Variants in XKR6 observed in about 807,000 individuals in gnomAD.
XKR6 encodes XK-related protein 6.
A neutral mutation model predicts 56.7 loss-of-function variants in XKR6; 22 were observed. The observed-to-expected ratio is 0.39, with a 90% CI of 0.28 to 0.55. The LOEUF is 0.55. Among genes scored for constraint, XKR6 ranks in the 20% least tolerant of loss-of-function variants. XKR6 has a pLI of 0.66. For synonymous variants in XKR6, 524 were observed against 387.8 expected (o/e 1.35, Z -4.13); for missense variants, 852 against 889.0 (o/e 0.96, Z 0.53).
chr8:11,135,904 T>TG (rs1278283298), intron 1 of XKR6, among the ~76,000 whole-genome samples: 1 of 151,930 alleles, frequency 6.6e-6, no homozygotes, highest in Non-Finnish European at 1.5e-5. Context: ...TCTCCCAAAA[T>TG]GCAAAAACCA....
intron 1 of XKR6, among the ~76,000 whole-genome samples, chr8:10,952,945 C>T (rs1382368188): frequency 6.6e-6 from 1 of 152,096 alleles, no homozygotes; most frequent in East Asian, 1.9e-4. Context: ...GACTGTAAAC[C>T]CTGTTGTGAA....
At chr8:11,156,471 A>G (rs1368779768) in intron 1 of XKR6, among the ~76,000 whole-genome samples, 1 of 152,214 alleles carries the variant, frequency 6.6e-6, no homozygotes, top group African/African-American at 2.4e-5. Context: ...CTGAAATCAT[A>G]AGAGTTTCAA....
intron 1 of XKR6, among the ~76,000 whole-genome samples, chr8:10,932,213 G>A (rs1251869415): frequency 2.0e-5 from 3 of 152,172 alleles, no homozygotes; most frequent in Non-Finnish European, 2.9e-5. Context: ...ACTATCAAGT[G>A]CTGTCACGAA....
At chr8:11,005,361 G>GATAT (rs1050511719) in intron 1 of XKR6, among the ~76,000 whole-genome samples, 1 of 148,784 alleles carries the variant, frequency 6.7e-6, no homozygotes, top group African/African-American at 2.6e-5. Flanking sequence ...GACTGTAGTA[G>GATAT]ATATAGATAT....
chr8:10,953,038 G>C (rs1464245750), intron 1 of XKR6, among the ~76,000 whole-genome samples: 3 of 152,150 alleles, frequency 2.0e-5, no homozygotes, highest in Non-Finnish European at 4.4e-5. Flanking sequence ...ATCACCTCCA[G>C]ATGGGACCAT....
At chr8:11,022,133 G>A (rs567221367) in intron 1 of XKR6, among the ~76,000 whole-genome samples, 6 of 149,164 alleles carry the variant, frequency 4.0e-5, no homozygotes, top group African/African-American at 1.5e-4. Context: ...CACAGACAGT[G>A]CATCCTAGAT....
Position 11,045,703 on chromosome 8 carries a change from C to T in XKR6, c.765-120873G>A, listed in dbSNP as rs77564514. ...GAAAACTCCACAACACCAACCACAT[C>T]AGGTCTTTCTCCTGTTCCTATCTTT... On this transcript the variant is annotated intron_variant, in intron 1 of 2. Transcript: ENST00000416569. 7.8e-3 allele frequency among the ~76,000 whole-genome samples: 1,182 copies of T among 152,218 alleles called. 11 individuals carry two copies. Among genetic ancestry groups the T allele is most frequent in the African/African-American group, 0.027 (1,102 of 41,532 alleles).
At chr8:11,067,649 G>C (rs996658357) in intron 1 of XKR6, among the ~76,000 whole-genome samples, 1 of 152,262 alleles carries the variant, frequency 6.6e-6, no homozygotes, top group Admixed American at 6.5e-5. Context: ...CAGCTGAGGG[G>C]AGTTGAGACA....
intron 1 of XKR6, among the ~76,000 whole-genome samples, chr8:10,981,491 ATC>A (rs1271421652): frequency 6.6e-6 from 1 of 152,244 alleles, no homozygotes; most frequent in Non-Finnish European, 1.5e-5. Context: ...AAGTTGCCAG[ATC>A]TCTCTGAATT....
rs866094475 is a variant in XKR6 at position 10,957,365 on chromosome 8, C to T, written c.765-32535G>A. Among the ~76,000 whole-genome samples, 46 of 152,302 alleles carry T rather than the reference C, an allele frequency of 3.0e-4. 1 individual carries two copies. The South Asian group carries it at 5.8e-3, about 19-fold the overall frequency. ...AGCAGGTGGATGCAAGTACAGTCTACTCCAGGCGTGTCACCATTGGAACAC... is the reference window on the plus strand; with the variant it reads ...AGCAGGTGGATGCAAGTACAGTCTATTCCAGGCGTGTCACCATTGGAACAC... On this transcript the variant is annotated intron_variant, in intron 1 of 2. Transcript: ENST00000416569.
At chr8:11,195,226 A>G in intron 1 of XKR6, 1 of 700,794 alleles carries the variant, frequency 1.4e-6, no homozygotes, top group East Asian at 2.7e-5. Context: ...TGCCCACTGC[A>G]ACATTATAAA....
At chr8:11,097,106 T>G (rs1256521455) in intron 1 of XKR6, among the ~76,000 whole-genome samples, 3 of 152,202 alleles carry the variant, frequency 2.0e-5, no homozygotes, top group African/African-American at 7.2e-5. Flanking sequence ...CAAGTAAGTT[T>G]GTCATCAGCA....
intron 1 of XKR6, among the ~76,000 whole-genome samples, chr8:11,171,353 C>A (rs1047444220): frequency 6.6e-6 from 1 of 152,254 alleles, no homozygotes; most frequent in African/African-American, 2.4e-5. Context: ...CACTAATTAC[C>A]AGAGATTAAG....
chr8:11,025,373 C>G (rs1798837566), intron 1 of XKR6, among the ~76,000 whole-genome samples: 1 of 152,118 alleles, frequency 6.6e-6, no homozygotes, highest in African/African-American at 2.4e-5. Flanking sequence ...GAGCCGATGC[C>G]TTTGGTTAAT....
At chr8:10,971,735 G>C (rs1038556961) in intron 1 of XKR6, among the ~76,000 whole-genome samples, 1 of 152,182 alleles carries the variant, frequency 6.6e-6, no homozygotes, top group Non-Finnish European at 1.5e-5. Flanking sequence ...GTCCCAAAGA[G>C]AGGACGGATG....
chr8:10,998,723 C>A (rs549324571), intron 1 of XKR6, among the ~76,000 whole-genome samples: 2 of 152,194 alleles, frequency 1.3e-5, no homozygotes. Context: ...GCTCCATTTC[C>A]GCTGGGCTCT....
chr8:11,114,028 T>A (rs1232422964), intron 1 of XKR6: 6 of 418,530 alleles, frequency 1.4e-5, no homozygotes, highest in African/African-American at 1.3e-4. Flanking sequence ...CACCTTCTAG[T>A]CAGAAATCAG....
chr8:10,996,629 T>C (rs557747045), intron 1 of XKR6, among the ~76,000 whole-genome samples: 4 of 152,188 alleles, frequency 2.6e-5, no homozygotes, highest in South Asian at 2.1e-4. Flanking sequence ...GGAATATATG[T>C]GAGGGGCAGG....
intron 1 of XKR6, among the ~76,000 whole-genome samples, chr8:11,029,237 C>T (rs1481203952): frequency 6.6e-6 from 1 of 152,144 alleles, no homozygotes; most frequent in African/African-American, 2.4e-5. Context: ...CCACACCCAA[C>T]CTGGTCTTGT....
Sources: allele counts gnomAD v4.1 joint callset (sites outside exome capture counted in the v4.1 genomes callset), GRCh38; gene constraint gnomAD v4.1.1; transcripts MANE v1.5; gene names NCBI Gene and HGNC (gene_info 2026-07-23, HGNC 2026-07-21).